Variants in NKPD1 observed in about 807,000 individuals in gnomAD.
NKPD1 encodes the protein NTPase KAP family P-loop domain containing 1, also known as NTPase KAP family P-loop domain-containing protein 1.
In NKPD1, 37 loss-of-function variants were observed where a neutral mutation model predicts 42.2. That is an observed-to-expected ratio of 0.88 (90% CI 0.67 to 1.15). The LOEUF (loss-of-function observed/expected upper bound fraction) is 1.15. Ranked by LOEUF, NKPD1 falls within the 50% of genes most tolerant of loss-of-function variation. NKPD1 has a pLI of 0.00. For synonymous variants in NKPD1, 552 were observed against 536.5 expected (o/e 1.03, Z -0.40); for missense variants, 1,113 against 1,174.6 (o/e 0.95, Z 0.77).
chr19:45,150,105 T>G lies in NKPD1; in HGVS notation c.*1833A>C, dbSNP rs1328260265. On this transcript the variant is annotated 3_prime_UTR_variant, in exon 5 of 5. Transcript: ENST00000686631. ...ACGTAACAGAGGCTGCGGCTTTTTT[T>G]TTTAATCAGTCGGAGTCTTGCTCTG... 6.6e-6 allele frequency: 1 copy of G among 152,152 alleles called. No homozygotes were observed. The highest frequency in any genetic ancestry group is 1.5e-5 in the Non-Finnish European group (1 of 68,022). 9.4% of individuals were successfully genotyped at this position (152,152 alleles called of 1,614,324 possible). A position where few individuals can be genotyped will look rare whatever the true frequency, so the allele number is the denominator to read the frequency against.
chr19:45,158,657 G>T lies in NKPD1; in HGVS notation c.529+6C>A. The T allele has an allele frequency of 8.6e-7, 1 of 1,164,160 alleles. No homozygotes were observed. 72.1% of individuals were successfully genotyped at this position (1,164,160 alleles called of 1,614,324 possible). ...ACAGGGCCCCCAAGAAGGCCAGGGTGAGCACCGGAGCTGTAGGCAGTGAAG... is the reference window on the plus strand; with the variant it reads ...ACAGGGCCCCCAAGAAGGCCAGGGTTAGCACCGGAGCTGTAGGCAGTGAAG... On this transcript the variant is annotated splice_donor_region_variant and intron_variant, in intron 3 of 4. Transcript: ENST00000686631. This position sits in a 1 kb window ranked among gnomAD's most constrained non-coding sequence, Gnocchi z 4.6.
At position 45,159,780 on chromosome 19, in the gene NKPD1, G is replaced by A. The variant is rs142916544; in HGVS notation, c.91+280C>T. On this transcript the variant is annotated intron_variant, in intron 2 of 4. Transcript: ENST00000686631. The stretch of plus-strand genomic sequence containing the variant: ...ACTCCCAGCACACTGCTCCCCTCCA[G>A]GCTGGAGGCCATCCACACAGGCCTC... 3.1e-3 allele frequency among the ~76,000 whole-genome samples: 469 copies of A among 152,338 alleles called. 2 individuals carry two copies. Among genetic ancestry groups the A allele is most frequent in the African/African-American group, 0.011 (438 of 41,584 alleles).
chr19:45,159,671 C>G (rs1287006366), intron 2 of NKPD1, among the ~76,000 whole-genome samples: 1 of 152,132 alleles, frequency 6.6e-6, no homozygotes, highest in African/African-American at 2.4e-5. Context: ...CCACCCTGAA[C>G]AAGATCACCT....
Position 45,153,704 on chromosome 19 carries a change from CG to C in NKPD1, c.732del (p.Val245Ter), listed in dbSNP as rs1416253354. Reference protein sequence around the residue: ...ELQHVQWRPRAVSGWGVPQLL... With the variant: ...ELQHVQWRPRXVSGWGVPQLL... ...AGCTGCGGGACGCCCCAGCCGCTCACGGCACGCGGCCGCCACTGCACGTGCT... is the reference window on the plus strand; with the variant it reads ...AGCTGCGGGACGCCCCAGCCGCTCACGCACGCGGCCGCCACTGCACGTGCT... On this transcript the variant is annotated frameshift_variant, in exon 5 of 5. Transcript: ENST00000686631. LOFTEE classifies it high-confidence loss of function. The C allele has an allele frequency of 6.5e-7, 1 of 1,536,024 alleles. No individual in the cohort carries two copies.
At position 45,152,870 on chromosome 19, in the gene NKPD1, CAG is replaced by C. The variant is rs1240096157; in HGVS notation, c.1565_1566del (p.Thr522SerfsTer332). ...ATGGGCACAGAGAAGGGCAGCGTGA[CAG>C]TGCGGTTGAGGAAGAGGTAGCCGTT... ...ADNGYLFLNR[T>X]VTLPFSVPIM... On this transcript the variant is annotated frameshift_variant, in exon 5 of 5. Transcript: ENST00000686631. LOFTEE classifies it low-confidence loss of function (END_TRUNC). The C allele has an allele frequency of 6.9e-6, 11 of 1,588,322 alleles. No individual in the cohort carries two copies. Among genetic ancestry groups the C allele is most frequent in the Non-Finnish European group, 9.4e-6 (11 of 1,164,448 alleles).
At position 45,153,840 on chromosome 19, in the gene NKPD1, C is replaced by T. The variant is rs1353013719; in HGVS notation, c.662-65G>A. Reference sequence around the variant, plus strand: ...CCGCCGGGGTGGGCGGGGCCTAGTACGGGCAGGGCGGAGCGCTCCTGGAGA... The same window carrying T: ...CCGCCGGGGTGGGCGGGGCCTAGTATGGGCAGGGCGGAGCGCTCCTGGAGA... On this transcript the variant is annotated intron_variant, in intron 4 of 4. Coordinates refer to ENST00000686631, the MANE Select transcript of NKPD1 (RefSeq NM_198478.4). 5 of 1,387,154 alleles carry T rather than the reference C, an allele frequency of 3.6e-6. No homozygotes were observed. The East Asian group carries it at 1.1e-4, about 31-fold the overall frequency. 85.9% of individuals were successfully genotyped at this position (1,387,154 alleles called of 1,614,324 possible). A position where few individuals can be genotyped will look rare whatever the true frequency, so the allele number is the denominator to read the frequency against.
intron 3 of NKPD1, among the ~76,000 whole-genome samples, chr19:45,157,973 C>T (rs534225162): frequency 6.6e-6 from 1 of 152,246 alleles, no homozygotes. Flanking sequence ...GATCCACCAG[C>T]TTCAGCCTCC....
At chr19:45,162,469 A>G (rs983452749), upstream of NKPD1, among the ~76,000 whole-genome samples, 5 of 152,174 alleles carry the variant, frequency 3.3e-5, no homozygotes, top group Non-Finnish European at 7.4e-5. Context: ...CGGGCGGCGA[A>G]GCCCAGGAGT....
intron 1 of NKPD1, among the ~76,000 whole-genome samples, 137 bp from the exon 2 acceptor site, chr19:45,160,358 A>G (rs1295142833): frequency 6.6e-6 from 1 of 152,124 alleles, no homozygotes; most frequent in Non-Finnish European, 1.5e-5. Context: ...TTCAGGGTAC[A>G]GTGAGGGGCA....
At chr19:45,156,727 G>A (rs1464841834) in intron 3 of NKPD1, among the ~76,000 whole-genome samples, 1 of 152,206 alleles carries the variant, frequency 6.6e-6, no homozygotes, top group Non-Finnish European at 1.5e-5. Flanking sequence ...ACCTGGAAAT[G>A]GGGTATCAAA....
intron 3 of NKPD1, among the ~76,000 whole-genome samples, chr19:45,156,161 G>A (rs1475906747): frequency 6.6e-6 from 1 of 152,220 alleles, no homozygotes; most frequent in East Asian, 1.9e-4. Flanking sequence ...CCACACACCA[G>A]AGGCTGAGGC....
rs1599725213 is a variant in NKPD1, at chr19:45,158,947, T to C, written c.245A>G (p.Gln82Arg). Residue 82 changes from glutamine (Q) to arginine (R), a missense_variant, in exon 3 of 5, where the codon CAG (glutamine) becomes CGG (arginine). Physicochemically the swap from Gln to Arg is conservative, Grantham distance 43. Coordinates refer to ENST00000686631, the MANE Select transcript of NKPD1 (RefSeq NM_198478.4). This position sits in a 1 kb window ranked among gnomAD's most constrained non-coding sequence, Gnocchi z 4.6. ...RRGLLPSVLQ[Q>R]QRQPQSQPSP... ...GGGCTGGGACTGGGGCTGCCGCTGC[T>C]GCTGCAGGACGGAGGGCAGGAGGCC... 1 of 1,299,972 alleles carries C rather than the reference T, an allele frequency of 7.7e-7. No homozygotes were observed. The highest frequency in any genetic ancestry group is 1.0e-6 in the Non-Finnish European group (1 of 987,580). 80.5% of individuals were successfully genotyped at this position (1,299,972 alleles called of 1,614,324 possible). A position where few individuals can be genotyped will look rare whatever the true frequency, so the allele number is the denominator to read the frequency against.
intron 3 of NKPD1, 65 bp from the exon 4 acceptor site, chr19:45,155,981 G>A: frequency 8.0e-7 from 1 of 1,256,488 alleles, no homozygotes; most frequent in Admixed American, 2.4e-5. Context: ...CCTCCCATCT[G>A]CCCTCCATGG....
chr19:45,153,872 G>A lies in NKPD1; in HGVS notation c.662-97C>T. The stretch of plus-strand genomic sequence containing the variant: ...GGCGGAGCGCTCCTGGAGAGGCGAG[G>A]GGCGCCCAGCAGAGGCGAGGGGCTG... On this transcript the variant is annotated intron_variant, in intron 4 of 4. Coordinates refer to ENST00000686631, the MANE Select transcript of NKPD1 (RefSeq NM_198478.4). 2.4e-6 allele frequency: 3 copies of A among 1,255,520 alleles called. No homozygotes were observed. In the African/African-American group the frequency reaches 4.8e-5, roughly 20 times the overall value. The allele number at this position is 1,255,520 out of a possible 1,614,324, so 77.8% of individuals were successfully genotyped here.
chr19:45,151,803 G>T lies in NKPD1; in HGVS notation c.*135C>A. On this transcript the variant is annotated 3_prime_UTR_variant, in exon 5 of 5. Transcript: ENST00000686631. ...CTTGGAAGCTATGTCCACGGCTCTG[G>T]CTCAGGTTCACCTGGGGGTGTGGGC... 2 of 959,330 alleles carry T rather than the reference G, an allele frequency of 2.1e-6. No homozygotes were observed. The highest frequency in any genetic ancestry group is 2.9e-6 in the Non-Finnish European group (2 of 680,086). 59.4% of individuals were successfully genotyped at this position (959,330 alleles called of 1,614,324 possible).
At chr19:45,155,293 G>A (rs1201738097) in intron 4 of NKPD1, among the ~76,000 whole-genome samples, 1 of 152,030 alleles carries the variant, frequency 6.6e-6, no homozygotes, top group Non-Finnish European at 1.5e-5. Flanking sequence ...ACTCCAGCCT[G>A]GAGACAGAGC....
rs1045285830 is a variant in NKPD1, at chr19:45,153,740, C to A, written c.697G>T (p.Glu233Ter). 4 of 1,508,146 alleles carry A rather than the reference C, an allele frequency of 2.7e-6. No homozygotes were observed. The highest frequency in any genetic ancestry group is 3.6e-6 in the Non-Finnish European group (4 of 1,120,696). The allele number at this position is 1,508,146 out of a possible 1,614,324, so 93.4% of individuals were successfully genotyped here. Residue 233 changes from glutamate (E) to a stop codon, truncating the protein, a stop_gained, in exon 5 of 5, where the codon GAG becomes TAG. Coordinates refer to ENST00000686631, the MANE Select transcript of NKPD1 (RefSeq NM_198478.4). LOFTEE classifies it high-confidence loss of function. The part of the protein sequence containing the change: ...MQQEAAQRES[E>*]ELQHVQWRPR... ...CGCCACTGCACGTGCTGCAGCTCCT[C>A]GCTCTCGCGCTGCGCGGCCTCCTGC...
At chr19:45,159,749 C>A (rs1435098619) in intron 2 of NKPD1, among the ~76,000 whole-genome samples, 1 of 152,202 alleles carries the variant, frequency 6.6e-6, no homozygotes, top group Non-Finnish European at 1.5e-5. Context: ...CCCTCTCCTA[C>A]CCCTCACTCC....
intron 4 of NKPD1, among the ~76,000 whole-genome samples, chr19:45,155,012 G>A (rs1377593014): frequency 8.3e-6 from 1 of 120,962 alleles, no homozygotes; most frequent in Non-Finnish European, 1.6e-5. Flanking sequence ...GCGACAGAGT[G>A]AGACTCCATT....
Sources: gnomAD v4.1 joint callset for allele counts (sites outside exome capture counted in the v4.1 genomes callset) on GRCh38, gnomAD v4.1.1 for gene constraint, Gnocchi (gnomAD v3.1) non-coding constraint, MANE v1.5 for transcripts, NCBI Gene and HGNC (gene_info 2026-07-23, HGNC 2026-07-21) for gene names.